Variants in MCTP2 observed in about 807,000 individuals in gnomAD.
MCTP2 encodes the protein multiple C2 and transmembrane domain-containing protein 2.
Under a neutral mutation model 111.6 loss-of-function variants are expected in MCTP2, and 132 were observed. That is an observed-to-expected ratio of 1.18 (90% CI 1.03 to 1.37). The LOEUF is 1.37. MCTP2 is among the 40% of genes most tolerant of loss of function. MCTP2 has a pLI of 0.00. For missense variants in MCTP2, 1,183 were observed against 1,067.9 expected (o/e 1.11, Z -1.50); for synonymous variants, 395 against 387.7 (o/e 1.02, Z -0.22).
intron 2 of MCTP2, among the ~76,000 whole-genome samples, chr15:94,310,614 G>C (rs1165729533): frequency 1.3e-5 from 2 of 151,940 alleles, no homozygotes; most frequent in African/African-American, 4.8e-5. Flanking sequence ...GTGTGCGACA[G>C]TTATGGCAGC....
At chr15:94,259,539 A>C (rs1285674721) in intron 1 of MCTP2, among the ~76,000 whole-genome samples, 1 of 152,170 alleles carries the variant, frequency 6.6e-6, no homozygotes, top group Non-Finnish European at 1.5e-5. Flanking sequence ...TTTCTGTTCT[A>C]TGTAGTAGTT....
intron 20 of MCTP2, among the ~76,000 whole-genome samples, chr15:94,468,853 T>G (rs1596835325): frequency 6.6e-6 from 1 of 152,058 alleles, no homozygotes. Context: ...GTCTTGAACT[T>G]CTGAGCTCAA....
At chr15:94,423,560 T>A (rs1003779648) in intron 17 of MCTP2, among the ~76,000 whole-genome samples, 2 of 152,234 alleles carry the variant, frequency 1.3e-5, no homozygotes, top group African/African-American at 2.4e-5. Context: ...AAAGAAATGT[T>A]CCTTTGACTA....
intron 21 of MCTP2, among the ~76,000 whole-genome samples, chr15:94,474,929 G>C (rs1221714702): frequency 6.6e-6 from 1 of 151,724 alleles, no homozygotes; most frequent in Non-Finnish European, 1.5e-5. Context: ...GTGCATTTGA[G>C]CTACTGTGCA....
intron 17 of MCTP2, among the ~76,000 whole-genome samples, chr15:94,426,062 G>A (rs537670814): frequency 6.6e-6 from 1 of 151,722 alleles, no homozygotes; most frequent in African/African-American, 2.4e-5. Context: ...TTACTCCTGT[G>A]CCTGCCTTTC....
At chr15:94,459,686 G>A (rs1280560579) in intron 20 of MCTP2, among the ~76,000 whole-genome samples, 1 of 152,194 alleles carries the variant, frequency 6.6e-6, no homozygotes, top group Non-Finnish European at 1.5e-5. Context: ...AACATGAATA[G>A]TAAAATGAGG....
intron 1 of MCTP2, among the ~76,000 whole-genome samples, chr15:94,283,534 G>A (rs1487173848): frequency 1.3e-5 from 2 of 152,176 alleles, no homozygotes; most frequent in Non-Finnish European, 2.9e-5. Context: ...GGTCTATGGT[G>A]AAAGTGGACC....
chr15:94,340,922 C>G lies in MCTP2; in HGVS notation c.967C>G (p.His323Asp). Reference protein sequence around the residue: ...LVVKQGDFKRHRWSNRKRLSA... With the variant: ...LVVKQGDFKRDRWSNRKRLSA... ...GGTAAAACAGGGTGATTTCAAGAGA[C>G]ACGTAAGTGGGACCTTCTATTCTTT... Residue 323 changes from histidine (H) to aspartate (D), a missense_variant and splice_region_variant, in exon 7 of 23, where the codon CAC (histidine) becomes GAC (aspartate). Physicochemically the swap from His to Asp is moderately conservative, Grantham distance 81 (BLOSUM62 -1). Transcript: ENST00000357742. 6.4e-7 allele frequency: 1 copy of G among 1,574,198 alleles called. No homozygotes were observed.
At chr15:94,267,869 C>CTTTCTTTTTTTTTTTTTTTT (rs1555443740) in intron 1 of MCTP2, among the ~76,000 whole-genome samples, 7 of 77,458 alleles carry the variant, frequency 9.0e-5, no homozygotes, top group African/African-American at 4.0e-4. Flanking sequence ...CCTTTTCTTT[C>CTTTCTTTTTTTTTTTTTTTT]TTTTTTTTTT....
chr15:94,240,728 A>C (rs1361194823), intron 1 of MCTP2, among the ~76,000 whole-genome samples: 1 of 152,176 alleles, frequency 6.6e-6, no homozygotes, highest in South Asian at 2.1e-4. Context: ...AAAAGTCTCT[A>C]TCCTTTATCT....
At chr15:94,322,294 T>C (rs1442506282) in intron 4 of MCTP2, among the ~76,000 whole-genome samples, 2 of 123,728 alleles carry the variant, frequency 1.6e-5, no homozygotes, top group South Asian at 6.2e-4. Context: ...ACAGCCCCTG[T>C]TTTTGAATTT....
chr15:94,302,745 T>C (rs1047995777), intron 2 of MCTP2, among the ~76,000 whole-genome samples: 8 of 152,332 alleles, frequency 5.3e-5, no homozygotes, highest in African/African-American at 1.7e-4. Context: ...CATCTGTGAA[T>C]AATGGTAGTC....
intron 1 of MCTP2, among the ~76,000 whole-genome samples, chr15:94,238,165 T>C (rs906497650): frequency 1.3e-5 from 2 of 152,130 alleles, no homozygotes; most frequent in African/African-American, 2.4e-5. Context: ...GGAATAAATC[T>C]CTTAAAATAT....
chr15:94,451,068 TTTC>T (rs1367959117), intron 19 of MCTP2, among the ~76,000 whole-genome samples: 3 of 152,250 alleles, frequency 2.0e-5, no homozygotes, highest in Non-Finnish European at 2.9e-5. Context: ...TAAAATTTTT[TTTC>T]TTTTTTAAAA....
Position 94,398,960 on chromosome 15 carries a change from G to A in MCTP2, c.1789-1G>A, listed in dbSNP as rs768030163. ...TGTATTTTGTCTTTTGTTTGTGACAGATTAGAGATGGACAACCGAATTGTT... is the reference window on the plus strand; with the variant it reads ...TGTATTTTGTCTTTTGTTTGTGACAAATTAGAGATGGACAACCGAATTGTT... On this transcript the variant is annotated splice_acceptor_variant, in intron 14 of 22. Coordinates refer to ENST00000357742, the MANE Select transcript of MCTP2 (RefSeq NM_001385001.1). LOFTEE classifies it high-confidence loss of function. 24 of 1,523,720 alleles carry A rather than the reference G, an allele frequency of 1.6e-5. No individual in the cohort carries two copies. Among genetic ancestry groups the A allele is most frequent in the Middle Eastern group, 1.7e-4 (1 of 5,828 alleles). 94.4% of individuals were successfully genotyped at this position (1,523,720 alleles called of 1,614,324 possible). A position where few individuals can be genotyped will look rare whatever the true frequency, so the allele number is the denominator to read the frequency against.
At chr15:94,436,691 G>C (rs2083495257) in intron 17 of MCTP2, among the ~76,000 whole-genome samples, 1 of 152,022 alleles carries the variant, frequency 6.6e-6, no homozygotes, top group South Asian at 2.1e-4. Flanking sequence ...GACATACATA[G>C]TTTTATAATG....
chr15:94,431,428 G>A (rs1375825534), intron 17 of MCTP2, among the ~76,000 whole-genome samples: 1 of 152,154 alleles, frequency 6.6e-6, no homozygotes, highest in Non-Finnish European at 1.5e-5. Flanking sequence ...GTTAATGAAA[G>A]GTCTTAACTG....
At chr15:94,263,299 T>A (rs2073308984) in intron 1 of MCTP2, among the ~76,000 whole-genome samples, 4 of 152,182 alleles carry the variant, frequency 2.6e-5, no homozygotes, top group Admixed American at 2.0e-4. Flanking sequence ...GATAGTTATG[T>A]TCTATCAAGT....
rs2152334620 is a variant in MCTP2 at position 94,298,522 on chromosome 15, G to A, written c.257G>A (p.Gly86Glu). 6.2e-7 allele frequency: 1 copy of A among 1,614,132 alleles called. No homozygotes were observed. The highest frequency in any genetic ancestry group is 1.7e-4 in the Middle Eastern group (1 of 6,060). ...GTGCCCAGCAGTCTGTCCACTGCAG[G>A]GATCTTTCCCAAGAGCAGCAGTAGC... ...TSVPSSLSTA[G>E]IFPKSSSSSL... is the part of the protein sequence containing the mutation. The change falls in exon 2 of 23, where the codon GGG becomes GAG. Residue 86 changes from glycine to glutamate, a missense_variant. Gly to Glu is a moderately conservative substitution (Grantham distance 98). Transcript: ENST00000357742.
Sources: gnomAD v4.1 joint callset for allele counts (sites outside exome capture counted in the v4.1 genomes callset) on GRCh38, gnomAD v4.1.1 for gene constraint, MANE v1.5 for transcripts, NCBI Gene and HGNC (gene_info 2026-07-23, HGNC 2026-07-21) for gene names.